Variants in CAD observed in about 807,000 individuals in gnomAD.
CAD encodes the protein multifunctional protein CAD.
A neutral mutation model predicts 237.2 loss-of-function variants in CAD; 81 were observed. That is an observed-to-expected ratio of 0.34 (90% CI 0.29 to 0.41). The LOEUF (loss-of-function observed/expected upper bound fraction) is 0.41. Ranked by LOEUF, CAD falls within the 10% of genes least tolerant of loss-of-function variation. CAD has a pLI of 1.00. For missense variants in CAD, 2,181 were observed against 2,951.7 expected, an observed-to-expected ratio of 0.74 and a Z score of 6.05; for synonymous variants, 1,196 against 1,162.8, an observed-to-expected ratio of 1.03 and a Z score of -0.58.
rs571278168 is a variant in CAD, at chr2:27,237,753, A to G, written c.4599A>G (p.Leu1533=). Residue 1533 remains leucine, a synonymous_variant, in exon 29 of 44, where the codon CTA becomes CTG. Transcript: ENST00000264705. The surrounding 1 kb of genome is among the most constrained non-coding windows in gnomAD (Gnocchi z 4.0). ...CTGGCGCCCGGTGCGACTTTGCGCT[A>G]TTCCTTGGGGCCTCGTCTGAAAATG... ...AEAGARCDFA[L]FLGASSENAG... 1.8e-5 allele frequency: 29 copies of G among 1,614,172 alleles called. No homozygotes were observed. The African/African-American group carries it at 3.5e-4, about 19-fold the overall frequency.
At position 27,232,306 on chromosome 2, in the gene CAD, A is replaced by C; in HGVS notation, c.2645+82A>C. 6.3e-7 allele frequency: 1 copy of C among 1,588,972 alleles called. No homozygotes were observed. The highest frequency in any genetic ancestry group is 1.7e-5 in the Admixed American group (1 of 59,070). Reference sequence around the variant, plus strand: ...CAGTGAGGGACCCTTGGGAGGGAGGAAGGAGAGTGTGGGAGAGCTTTAGAG... The same window carrying C: ...CAGTGAGGGACCCTTGGGAGGGAGGCAGGAGAGTGTGGGAGAGCTTTAGAG... On this transcript the variant is annotated intron_variant, in intron 17 of 43. Transcript: ENST00000264705. The surrounding 1 kb of genome is among the most constrained non-coding windows in gnomAD (Gnocchi z 4.1).
At position 27,242,660 on chromosome 2, in the gene CAD, A is replaced by G. The variant is rs772233685; in HGVS notation, c.6263A>G (p.His2088Arg). Residue 2088 changes from histidine to arginine, a missense_variant, in exon 41 of 44, where the codon CAT (histidine) becomes CGT (arginine). By Grantham distance (29) the His-to-Arg change is conservative. Coordinates refer to ENST00000264705, the MANE Select transcript of CAD (RefSeq NM_004341.5). This position sits in a 1 kb window ranked among gnomAD's most constrained non-coding sequence, Gnocchi z 6.4. ...VGDLKHGRTVHSLACLLTQYR... is the reference protein window; with the variant it reads ...VGDLKHGRTVRSLACLLTQYR... ...GACCTGAAGCACGGACGCACAGTAC[A>G]TTCCCTGGCCTGCCTGCTCACCCAG... 2 of 1,612,798 alleles carry G rather than the reference A, an allele frequency of 1.2e-6. No homozygotes were observed. Among genetic ancestry groups the G allele is most frequent in the Admixed American group, 1.7e-5 (1 of 59,960 alleles).
At position 27,225,925 on chromosome 2, in the gene CAD, C is replaced by T. The variant is rs147386890; in HGVS notation, c.1841C>T (p.Thr614Met). Residue 614 changes from threonine (T) to methionine (M), a missense_variant and splice_region_variant, in exon 12 of 44, where the codon ACG becomes ATG. Transcript: ENST00000264705. ...VVRDAYGNCV[T>M]VCNMENLDPL... ...AGAGACGCCTATGGCAACTGTGTCA[C>T]GGTGAGTGAATGGGGGAAGGGTGGG... 5.6e-6 allele frequency: 9 copies of T among 1,613,150 alleles called. No homozygotes were observed. Among genetic ancestry groups the T allele is most frequent in the Middle Eastern group, 1.6e-4 (1 of 6,084 alleles).
In CAD at chr2:27,234,367, C is replaced by T; in HGVS notation, c.3618+141C>T. ...TGGAGGGAAAGGGCTGTAGCTAGAG[C>T]TCATGGTGTTGGGGCTTATGACAGT... On this transcript the variant is annotated intron_variant, in intron 22 of 43. Transcript: ENST00000264705. The T allele has an allele frequency of 6.3e-6, 7 of 1,117,338 alleles. No individual in the cohort carries two copies. The Admixed American group carries it at 1.3e-4, about 20-fold the overall frequency. 69.2% of individuals were successfully genotyped at this position (1,117,338 alleles called of 1,614,324 possible). A position where few individuals can be genotyped will look rare whatever the true frequency, so the allele number is the denominator to read the frequency against.
rs1438887696 is a variant in CAD at position 27,237,396 on chromosome 2, G to T, written c.4414G>T (p.Val1472Leu). 1 of 1,614,128 alleles carries T rather than the reference G, an allele frequency of 6.2e-7. No individual in the cohort carries two copies. Residue 1472 changes from valine (V) to leucine (L), a missense_variant, in exon 28 of 44, where the codon GTG (valine) becomes TTG (leucine). By Grantham distance (32) the Val-to-Leu change is conservative. This residue lies in a region of CAD where 478 missense variants were observed against 515.0 expected (regional missense o/e 0.93). Transcript: ENST00000264705. This position sits in a 1 kb window ranked among gnomAD's most constrained non-coding sequence, Gnocchi z 4.0. The stretch of plus-strand genomic sequence containing the variant: ...TCTCCCAGGATTGATTGATGTCCAT[G>T]TGCACCTGCGGGAACCAGGTGGGAC... ...VRLPGLIDVH[V>L]HLREPGGTHK...
chr2:27,231,504 C>A lies in CAD; in HGVS notation c.2324C>A (p.Ala775Asp). 1 of 1,613,204 alleles carries A rather than the reference C, an allele frequency of 6.2e-7. No individual in the cohort carries two copies. Among genetic ancestry groups the A allele is most frequent in the Non-Finnish European group, 8.5e-7 (1 of 1,179,134 alleles). The stretch of plus-strand genomic sequence containing the variant: ...GGCATTGGGCGTTCATTTGAGGAGG[C>A]CTTCCAGAAGGCCCTGCGCATGGTG... ...VMGIGRSFEE[A>D]FQKALRMVDE... is the part of the protein sequence containing the mutation. The change falls in exon 16 of 44, where the codon GCC (alanine) becomes GAC (aspartate). Residue 775 changes from alanine to aspartate, a missense_variant. By Grantham distance (126) the Ala-to-Asp change is moderately radical (BLOSUM62 -2). Coordinates refer to ENST00000264705, the MANE Select transcript of CAD (RefSeq NM_004341.5).
At position 27,239,191 on chromosome 2, in the gene CAD, C is replaced by T. The variant is rs142918238; in HGVS notation, c.5212C>T (p.Arg1738Cys). 1.3e-5 allele frequency: 21 copies of T among 1,610,248 alleles called. No individual in the cohort carries two copies. The highest frequency in any genetic ancestry group is 4.0e-5 in the African/African-American group (3 of 74,982). Residue 1738 changes from arginine (R) to cysteine (C), a missense_variant, in exon 32 of 44, where the codon CGC (arginine) becomes TGC (cysteine). Arg to Cys is a radical substitution (Grantham distance 180). Coordinates refer to ENST00000264705, the MANE Select transcript of CAD (RefSeq NM_004341.5). This position sits in a 1 kb window ranked among gnomAD's most constrained non-coding sequence, Gnocchi z 4.0. ...LLQRLHHNPR[R>C]IFHLPPQEDT... is the part of the protein sequence containing the mutation. ...GCAGCGATTGCACCACAATCCTCGG[C>T]GCATCTTTCACCTGCCCCCGCAGGA...
intron 2 of CAD, among the ~76,000 whole-genome samples, 190 bp from the exon 3 acceptor site, chr2:27,221,028 T>G (rs2148056838): frequency 6.6e-6 from 1 of 152,304 alleles, no homozygotes; most frequent in East Asian, 1.9e-4. Context: ...ACCCTGGGCC[T>G]GTGGGTTGTG....
chr2:27,222,712 A>T, intron 5 of CAD, 52 bp downstream of exon 5: 3 of 1,599,932 alleles, frequency 1.9e-6, no homozygotes, highest in Non-Finnish European at 2.6e-6. Context: ...TGGGTGGAAG[A>T]TCTATCCCTT....
intron 22 of CAD, 34 bp from the exon 23 acceptor site, chr2:27,234,484 C>A: frequency 1.2e-6 from 2 of 1,605,570 alleles, no homozygotes; most frequent in Non-Finnish European, 8.5e-7. Context: ...CAAGGCCAAC[C>A]TGCAGAAGGC....
chr2:27,241,412 G>C lies in CAD; in HGVS notation c.5883+16G>C, dbSNP rs201430591. 3 of 1,612,438 alleles carry C rather than the reference G, an allele frequency of 1.9e-6. No homozygotes were observed. In the South Asian group the frequency reaches 3.3e-5, roughly 18 times the overall value. The stretch of plus-strand genomic sequence containing the variant: ...CATCCTGAAGGTCAGGATCAGGGCC[G>C]GGGGTAGGGTCCAGGCCATCGCCTG... On this transcript the variant is annotated intron_variant, in intron 38 of 43. Transcript: ENST00000264705. The surrounding 1 kb of genome is among the most constrained non-coding windows in gnomAD (Gnocchi z 4.6).
chr2:27,235,409 G>A lies in CAD; in HGVS notation c.3951G>A (p.Leu1317=). The change falls in exon 24 of 44, where the codon CTG becomes CTA. Residue 1317 remains leucine, a synonymous_variant. Coordinates refer to ENST00000264705, the MANE Select transcript of CAD (RefSeq NM_004341.5). This position sits in a 1 kb window ranked among gnomAD's most constrained non-coding sequence, Gnocchi z 5.2. ...AGATCCCCAAGAAGAATATCCTGCT[G>A]ACCATTGGCAGCTATAAGGTATCAG... The part of the protein sequence containing the change: ...GFKIPKKNIL[L]TIGSYKNKSE... The A allele has an allele frequency of 1.2e-6, 2 of 1,611,746 alleles. No homozygotes were observed. The highest frequency in any genetic ancestry group is 2.2e-5 in the South Asian group (2 of 90,752).
rs1676079378 is a variant in CAD at position 27,237,623 on chromosome 2, C to G, written c.4563+78C>G. The G allele has an allele frequency of 3.8e-6, 6 of 1,576,666 alleles. No homozygotes were observed. The African/African-American group carries it at 6.7e-5, about 18-fold the overall frequency. ...ACCCTTGCTTCCCTGAGCCCTTTTC[C>G]TTCTGCCCCGCCCTATGGGCCCAGG... On this transcript the variant is annotated intron_variant, in intron 28 of 43. Transcript: ENST00000264705. This position sits in a 1 kb window ranked among gnomAD's most constrained non-coding sequence, Gnocchi z 4.0.
rs761482103 is a variant in CAD at position 27,235,686 on chromosome 2, G to T, written c.4074+46G>T. 2.0e-6 allele frequency: 3 copies of T among 1,532,718 alleles called. No individual in the cohort carries two copies. Among genetic ancestry groups the T allele is most frequent in the Admixed American group, 3.4e-5 (2 of 59,266 alleles). 94.9% of individuals were successfully genotyped at this position (1,532,718 alleles called of 1,614,324 possible). A position where few individuals can be genotyped will look rare whatever the true frequency, so the allele number is the denominator to read the frequency against. ...TACCCCACTGCTGCCCTTCCCCAAG[G>T]GGGTGAAAATACTGCACCAAAGAAT... On this transcript the variant is annotated intron_variant, in intron 25 of 43. Transcript: ENST00000264705. This position sits in a 1 kb window ranked among gnomAD's most constrained non-coding sequence, Gnocchi z 5.2.
intron 15 of CAD, among the ~76,000 whole-genome samples, chr2:27,228,096 A>G (rs1358410809): frequency 6.6e-6 from 1 of 152,264 alleles, no homozygotes; most frequent in Non-Finnish European, 1.5e-5. Context: ...ACTTTTTTAA[A>G]GAAATGTAAA....
chr2:27,237,372 C>T lies in CAD; in HGVS notation c.4397-7C>T, dbSNP rs769472665. 10 of 1,613,596 alleles carry T rather than the reference C, an allele frequency of 6.2e-6. No individual in the cohort carries two copies. The highest frequency in any genetic ancestry group is 2.7e-5 in the African/African-American group (2 of 74,930). On this transcript the variant is annotated splice_region_variant and splice_polypyrimidine_tract_variant and intron_variant, in intron 27 of 43. Transcript: ENST00000264705. The surrounding 1 kb of genome is among the most constrained non-coding windows in gnomAD (Gnocchi z 4.0). ...CCTGTAATCTTGCTGCTTCCATTTT[C>T]TCCCAGGATTGATTGATGTCCATGT...
In CAD at chr2:27,232,460, T is replaced by G. The variant is rs1440000539; in HGVS notation, c.2658T>G (p.Ala886=). The G allele has an allele frequency of 6.2e-7, 1 of 1,614,236 alleles. No homozygotes were observed. Among genetic ancestry groups the G allele is most frequent in the Admixed American group, 1.7e-5 (1 of 60,028 alleles). The change falls in exon 18 of 44, where the codon GCT becomes GCG. Residue 886 remains alanine (A), a synonymous_variant. Coordinates refer to ENST00000264705, the MANE Select transcript of CAD (RefSeq NM_004341.5). This position sits in a 1 kb window ranked among gnomAD's most constrained non-coding sequence, Gnocchi z 4.1. ...TTTTCTATTTTAGCACAGAGCTGGCTGTTCGCAAGCTGCGTCAGGAACTGG... is the reference window on the plus strand; with the variant it reads ...TTTTCTATTTTAGCACAGAGCTGGCGGTTCGCAAGCTGCGTCAGGAACTGG... ...IALAVLSTEL[A]VRKLRQELGI...
chr2:27,223,914 T>C lies in CAD; in HGVS notation c.996-3T>C, dbSNP rs1312541019. 5 of 1,606,678 alleles carry C rather than the reference T, an allele frequency of 3.1e-6. No homozygotes were observed. In the Admixed American group the frequency reaches 8.3e-5, roughly 27 times the overall value. On this transcript the variant is annotated splice_region_variant and splice_polypyrimidine_tract_variant and intron_variant, in intron 7 of 43. Transcript: ENST00000264705. ...GGTTTTCATGATGCAATCTCTTCAA[T>C]AGTGTCCAGTTTCACCCAGAGCACC...
chr2:27,226,702 A>G (rs1675457746), intron 14 of CAD, 53 bp downstream of exon 14: 1 of 1,609,744 alleles, frequency 6.2e-7, no homozygotes, highest in Non-Finnish European at 8.5e-7. Flanking sequence ...GGGCTGAGGA[A>G]AATATTGATG....
Sources: allele counts gnomAD v4.1 joint callset (sites outside exome capture counted in the v4.1 genomes callset), GRCh38; gene constraint gnomAD v4.1.1; regional missense constraint gnomAD v4.1.1; non-coding constraint Gnocchi (gnomAD v3.1); transcripts MANE v1.5; gene names NCBI Gene and HGNC (gene_info 2026-07-23, HGNC 2026-07-21).